NUP93: variants seen among roughly 807,000 people sequenced by gnomAD.
The protein encoded by NUP93 is nucleoporin 93.
A neutral mutation model predicts 107.8 loss-of-function variants in NUP93; 55 were observed. That is an observed-to-expected ratio of 0.51 (90% CI 0.41 to 0.64). NUP93 has a LOEUF of 0.64. Ranked by LOEUF, NUP93 falls within the 30% of genes least tolerant of loss-of-function variation. The pLI, the probability that NUP93 is intolerant of heterozygous loss-of-function variation, is 0.00. For synonymous variants in NUP93, 390 were observed against 397.5 expected (o/e 0.98, Z 0.22); for missense variants, 937 against 1,044.7 (o/e 0.90, Z 1.42).
chr16:56,844,390 C>T lies in NUP93; in HGVS notation c.2350-109C>T, dbSNP rs1431489078. On this transcript the variant is annotated intron_variant, in intron 21 of 21. Coordinates refer to ENST00000308159, the MANE Select transcript of NUP93 (RefSeq NM_014669.5). ...ACCCATCAGGGATCTGTCCCTGACA[C>T]GCTGGGGTAGAGGATGGAAGAACAT... is the stretch of plus-strand genomic sequence containing the variant. The T allele has an allele frequency of 1.5e-5, 8 of 528,964 alleles. No homozygotes were observed. The South Asian group carries it at 1.7e-4, about 11-fold the overall frequency. The allele number at this position is 528,964 out of a possible 1,614,324, so 32.8% of individuals were successfully genotyped here.
intron 3 of NUP93, among the ~76,000 whole-genome samples, chr16:56,768,290 G>A (rs1013486169): frequency 7.2e-5 from 11 of 152,204 alleles, no homozygotes; most frequent in African/African-American, 2.4e-4. Flanking sequence ...TTGGCTGGGC[G>A]CAGTGGCTCA....
At chr16:56,781,430 TTG>T (rs537120975) in intron 3 of NUP93, among the ~76,000 whole-genome samples, 193 of 152,218 alleles carry the variant, frequency 1.3e-3, no homozygotes, top group African/African-American at 4.2e-3. Flanking sequence ...CTTCTGTATG[TTG>T]TATCTACACA....
chr16:56,838,144 G>A (rs374207345), intron 18 of NUP93, among the ~76,000 whole-genome samples: 1 of 152,224 alleles, frequency 6.6e-6, no homozygotes, highest in Admixed American at 6.5e-5. Context: ...TCCCCAGTGA[G>A]TTAACTGAAT....
At chr16:56,805,419 A>T (rs1190124727) in intron 4 of NUP93, 85 bp from the exon 5 acceptor site, 2 of 1,490,796 alleles carry the variant, frequency 1.3e-6, no homozygotes, top group Non-Finnish European at 1.8e-6. Context: ...GTTGGTCTGG[A>T]GGGCTTTAGG....
At chr16:56,821,652 A>G in intron 7 of NUP93, 59 bp downstream of exon 7, 2 of 1,110,838 alleles carry the variant, frequency 1.8e-6, no homozygotes, top group Admixed American at 3.7e-5. Context: ...TGGGCCTAGC[A>G]ACTTGCCGAT....
chr16:56,832,103 C>A, intron 11 of NUP93, 96 bp downstream of exon 11: 2 of 1,461,656 alleles, frequency 1.4e-6, no homozygotes, highest in Non-Finnish European at 1.9e-6. Flanking sequence ...GATGCCAATA[C>A]AGTGATCAGG....
chr16:56,844,720 T>C lies in NUP93; in HGVS notation c.*111T>C. 1 of 472,568 alleles carries C rather than the reference T, an allele frequency of 2.1e-6. No homozygotes were observed. 29.3% of individuals were successfully genotyped at this position (472,568 alleles called of 1,614,324 possible). ...TTCTGTTGTGTTTTGTTTTGGTTTC[T>C]GTATTATGTATTTTTGTCAACGCCA... On this transcript the variant is annotated 3_prime_UTR_variant, in exon 22 of 22. Coordinates refer to ENST00000308159, the MANE Select transcript of NUP93 (RefSeq NM_014669.5).
At chr16:56,740,736 A>G (rs1961720351) in intron 1 of NUP93, 1 of 162,750 alleles carries the variant, frequency 6.1e-6, no homozygotes, top group African/African-American at 2.4e-5. Flanking sequence ...CCTGGGCACC[A>G]TTGAGCACTG....
rs1277453269 is a variant in NUP93 at position 56,834,196 on chromosome 16, A to T, written c.1606A>T (p.Thr536Ser). ...LNFVRLLMLY[T>S]RKFESTDPRE... ...CTTCGTGCGGCTCCTCATGCTGTAC[A>T]CCCGGAAGTTTGAGTCCACGGACCC... Residue 536 changes from threonine (T) to serine (S), a missense_variant, in exon 14 of 22, where the codon ACC becomes TCC. By Grantham distance (58) the Thr-to-Ser change is moderately conservative. Transcript: ENST00000308159. 6.2e-7 allele frequency: 1 copy of T among 1,614,070 alleles called. No homozygotes were observed. The highest frequency in any genetic ancestry group is 1.1e-5 in the South Asian group (1 of 91,076).
At chr16:56,795,083 C>A (rs1261341408) in intron 3 of NUP93, among the ~76,000 whole-genome samples, 1 of 151,690 alleles carries the variant, frequency 6.6e-6, no homozygotes, top group Non-Finnish European at 1.5e-5. Context: ...AAATATTAGA[C>A]CAGGCTTTGT....
chr16:56,821,869 C>T (rs1387318714), intron 7 of NUP93, among the ~76,000 whole-genome samples: 1 of 150,846 alleles, frequency 6.6e-6, no homozygotes, highest in Non-Finnish European at 1.5e-5. Flanking sequence ...GCTTTTACTC[C>T]CCACTCACCA....
intron 20 of NUP93, among the ~76,000 whole-genome samples, chr16:56,841,441 G>T (rs1265574952): frequency 2.6e-5 from 4 of 152,226 alleles, no homozygotes; most frequent in Non-Finnish European, 5.9e-5. Context: ...CATGCTTTTG[G>T]CTCACTGCCC....
chr16:56,772,334 C>T lies in NUP93; in HGVS notation c.297+13679C>T, dbSNP rs531627249. On this transcript the variant is annotated intron_variant, in intron 3 of 21. Transcript: ENST00000308159. The stretch of plus-strand genomic sequence containing the variant: ...AAGCTATCTTCCTGTGGAATGAACA[C>T]AGTTGGAGAGTGAGTTTGGACTCCG... Among the ~76,000 whole-genome samples, 332 of 152,324 alleles carry T rather than the reference C, an allele frequency of 2.2e-3. 1 individual carries two copies. Among genetic ancestry groups the T allele is most frequent in the Non-Finnish European group, 4.1e-3 (278 of 68,030 alleles).
At chr16:56,818,623 A>G (rs1963482330) in intron 5 of NUP93, 41 bp from the exon 6 acceptor site, 2 of 1,464,414 alleles carry the variant, frequency 1.4e-6, no homozygotes, top group East Asian at 2.3e-5. Context: ...ACATGACTGA[A>G]TACTGTCCCT....
At chr16:56,772,888 G>A (rs775411296) in intron 3 of NUP93, among the ~76,000 whole-genome samples, 7 of 152,210 alleles carry the variant, frequency 4.6e-5, no homozygotes, top group Non-Finnish European at 1.0e-4. Flanking sequence ...CTGTGATAGT[G>A]CGAAATATGT....
At chr16:56,804,999 GTTTA>G (rs1171481362) in intron 4 of NUP93, among the ~76,000 whole-genome samples, 3 of 152,068 alleles carry the variant, frequency 2.0e-5, no homozygotes, top group South Asian at 2.1e-4. Context: ...TTGTCAGTAA[GTTTA>G]TTTATTTATT....
In NUP93 at chr16:56,748,235, A is replaced by G; in HGVS notation, c.-13A>G. ...CTTTTCATTTTTTCTCCCATCTAGG[A>G]TCTGCATCTCCAATGGATACTGAGG... On this transcript the variant is annotated splice_region_variant and 5_prime_UTR_variant, in exon 2 of 22. Coordinates refer to ENST00000308159, the MANE Select transcript of NUP93 (RefSeq NM_014669.5). The G allele has an allele frequency of 3.2e-6, 5 of 1,581,272 alleles. No individual in the cohort carries two copies. The highest frequency in any genetic ancestry group is 4.3e-6 in the Non-Finnish European group (5 of 1,159,274).
chr16:56,793,184 G>T (rs1404580815), intron 3 of NUP93, among the ~76,000 whole-genome samples: 3 of 152,244 alleles, frequency 2.0e-5, no homozygotes, highest in Non-Finnish European at 2.9e-5. Context: ...GAGCCAGTCA[G>T]GCAAGGGTCT....
chr16:56,751,408 G>A (rs7200074), intron 2 of NUP93, among the ~76,000 whole-genome samples: 47,864 of 151,998 alleles, frequency 0.31, 7,940 homozygotes, highest in East Asian at 0.46. Flanking sequence ...CACTTTACAC[G>A]CATTATATAA....
Sources: gnomAD v4.1 joint callset for allele counts (sites outside exome capture counted in the v4.1 genomes callset) on GRCh38, gnomAD v4.1.1 for gene constraint, MANE v1.5 for transcripts, NCBI Gene and HGNC (gene_info 2026-07-23, HGNC 2026-07-21) for gene names.